Variants in MACROD2 observed in about 807,000 individuals in gnomAD.
MACROD2 encodes mono-ADP ribosylhydrolase 2.
In MACROD2, 36 loss-of-function variants were observed where a neutral mutation model predicts 70.4. The observed-to-expected ratio is 0.51, with a 90% confidence interval of 0.39 to 0.68. The LOEUF (loss-of-function observed/expected upper bound fraction) is 0.68. MACROD2 is among the 30% of genes least tolerant of loss of function. The probability of loss-of-function intolerance (pLI) is 0.00; values close to 1 mark genes in which losing one functional copy is unlikely to be tolerated. For synonymous variants in MACROD2, 172 were observed against 178.8 expected (o/e 0.96, Z 0.30); for missense variants, 496 against 538.4 (o/e 0.92, Z 0.78).
chr20:14,938,470 G>C (rs147610338), intron 5 of MACROD2, among the ~76,000 whole-genome samples: 1 of 151,980 alleles, frequency 6.6e-6, no homozygotes, highest in Non-Finnish European at 1.5e-5. Flanking sequence ...AAAAGTGCTC[G>C]ATTGTGACCT....
chr20:15,521,741 T>A (rs922294983), intron 8 of MACROD2, among the ~76,000 whole-genome samples: 2 of 152,236 alleles, frequency 1.3e-5, no homozygotes, highest in African/African-American at 4.8e-5. Context: ...ATAATTGGGA[T>A]ATGCTAATTG....
chr20:15,680,013 G>A (rs1460593667), intron 8 of MACROD2, among the ~76,000 whole-genome samples: 2 of 152,174 alleles, frequency 1.3e-5, no homozygotes, highest in African/African-American at 4.8e-5. Context: ...TATGGTCAGA[G>A]TGGAAAGGGA....
intron 3 of MACROD2, among the ~76,000 whole-genome samples, chr20:14,272,358 G>T (rs1425915949): frequency 6.6e-6 from 1 of 151,986 alleles, no homozygotes; most frequent in African/African-American, 2.4e-5. Flanking sequence ...TTAAAGAAAA[G>T]AATTTTCAAC....
At chr20:15,746,816 C>T (rs546399632) in intron 8 of MACROD2, among the ~76,000 whole-genome samples, 10 of 152,164 alleles carry the variant, frequency 6.6e-5, no homozygotes, top group Non-Finnish European at 1.2e-4. Flanking sequence ...AGACTGAGAG[C>T]TGAGCTGCCA....
intron 7 of MACROD2, among the ~76,000 whole-genome samples, chr20:15,436,486 A>C (rs1160524677): frequency 5.9e-5 from 9 of 152,102 alleles, no homozygotes; most frequent in Admixed American, 1.3e-4. Flanking sequence ...AATATGTGGG[A>C]ATTATGGGAG....
chr20:15,292,037 G>A (rs950073354), intron 6 of MACROD2, among the ~76,000 whole-genome samples: 5 of 151,972 alleles, frequency 3.3e-5, no homozygotes, highest in African/African-American at 1.2e-4. Flanking sequence ...TTGTTTTGTT[G>A]TTGCTTTGTT....
intron 8 of MACROD2, among the ~76,000 whole-genome samples, chr20:15,659,052 T>G (rs2049776892): frequency 6.6e-6 from 1 of 152,182 alleles, no homozygotes; most frequent in African/African-American, 2.4e-5. Context: ...ATGTAAAATC[T>G]AGTCTAATAG....
At chr20:14,541,598 T>TCACACA (rs139991575) in intron 4 of MACROD2, among the ~76,000 whole-genome samples, 3,944 of 150,310 alleles carry the variant, frequency 0.026, 61 homozygotes, top group Admixed American at 0.032. Context: ...ACAGCACACA[T>TCACACA]CACACACACA....
intron 6 of MACROD2, among the ~76,000 whole-genome samples, chr20:15,401,003 G>A (rs6079801): frequency 0.4 from 60,555 of 151,712 alleles, 12,608 homozygotes; most frequent in Non-Finnish European, 0.44. Flanking sequence ...TACATTCACC[G>A]TCGGCAACTC....
chr20:15,246,056 C>T (rs2077102550), intron 6 of MACROD2, among the ~76,000 whole-genome samples: 1 of 152,192 alleles, frequency 6.6e-6, no homozygotes, highest in Non-Finnish European at 1.5e-5. Flanking sequence ...GAACCATAGG[C>T]TAGAATCATG....
At chr20:14,585,312 A>T (rs1487831278) in intron 4 of MACROD2, among the ~76,000 whole-genome samples, 1 of 152,164 alleles carries the variant, frequency 6.6e-6, no homozygotes, top group East Asian at 1.9e-4. Context: ...TATGAAAATT[A>T]TGGAGTGCTA....
At chr20:15,954,295 T>C (rs1362897346) in intron 12 of MACROD2, among the ~76,000 whole-genome samples, 10 of 152,102 alleles carry the variant, frequency 6.6e-5, no homozygotes, top group Non-Finnish European at 1.0e-4. Flanking sequence ...TTGCAGACTT[T>C]CCCTGTCTCT....
chr20:15,676,900 A>G (rs2050065048), intron 8 of MACROD2, among the ~76,000 whole-genome samples: 1 of 152,064 alleles, frequency 6.6e-6, no homozygotes, highest in Non-Finnish European at 1.5e-5. Flanking sequence ...TGATTTGGCA[A>G]CAACAACAAC....
chr20:15,095,861 TTGTGTGTGTG>T (rs11468899), intron 5 of MACROD2, among the ~76,000 whole-genome samples: 7 of 148,474 alleles, frequency 4.7e-5, no homozygotes, highest in African/African-American at 7.4e-5. Flanking sequence ...ACCATGTTGT[TTGTGTGTGTG>T]TGTGTGTGTG....
At position 15,954,542 on chromosome 20, in the gene MACROD2, A is replaced by G. The variant is rs73900886; in HGVS notation, c.908-13011A>G. Among the ~76,000 whole-genome samples the G allele has an allele frequency of 1.9e-3, 290 of 152,304 alleles. 1 individual carries two copies. The highest frequency in any genetic ancestry group is 6.7e-3 in the African/African-American group (278 of 41,592). On this transcript the variant is annotated intron_variant, in intron 12 of 17. Transcript: ENST00000684519. ...TAATTTAGGTTTCATGAGTGGAAAG[A>G]CAGTATTTATGTTGTCCACCATTTT...
At chr20:15,898,101 C>A (rs7363901) in intron 10 of MACROD2, among the ~76,000 whole-genome samples, 1 of 152,218 alleles carries the variant, frequency 6.6e-6, no homozygotes, top group South Asian at 2.1e-4. Context: ...CAACAGAGAC[C>A]TTTTTTTCCC....
At position 14,835,015 on chromosome 20, in the gene MACROD2, T is replaced by TTG. The variant is rs568017999; in HGVS notation, c.418+150056_418+150057insTG. On this transcript the variant is annotated intron_variant, in intron 5 of 17. Coordinates refer to ENST00000684519, the MANE Select transcript of MACROD2 (RefSeq NM_001351661.2). ...AGTGAGTGAATGATTGAGAAACAGATAGATTCATCAAAGCTGACTCTCCCC... is the reference window on the plus strand; with the variant it reads ...AGTGAGTGAATGATTGAGAAACAGATTGAGATTCATCAAAGCTGACTCTCCCC... 1.4e-4 allele frequency among the ~76,000 whole-genome samples: 22 copies of TTG among 152,144 alleles called. No homozygotes were observed. The South Asian group carries it at 4.6e-3, about 32-fold the overall frequency.
intron 5 of MACROD2, among the ~76,000 whole-genome samples, chr20:15,012,896 G>A (rs1328175974): frequency 6.6e-6 from 1 of 152,164 alleles, no homozygotes. Context: ...CCCTTGGAAG[G>A]CTGTATGCCT....
At chr20:15,983,405 G>T (rs2066430279) in intron 13 of MACROD2, among the ~76,000 whole-genome samples, 1 of 152,150 alleles carries the variant, frequency 6.6e-6, no homozygotes, top group Non-Finnish European at 1.5e-5. Flanking sequence ...GCCCAGTAAA[G>T]GTCCACCACA....
Sources: allele counts gnomAD v4.1 joint callset (sites outside exome capture counted in the v4.1 genomes callset), GRCh38; gene constraint gnomAD v4.1.1; transcripts MANE v1.5; gene names NCBI Gene and HGNC (gene_info 2026-07-23, HGNC 2026-07-21).